The following C12orf56 variants were observed in gnomAD, a reference collection of about 807,000 sequenced individuals.
C12orf56 encodes the protein chromosome 12 open reading frame 56, also known as uncharacterized protein C12orf56.
C12orf56 carries 71 observed loss-of-function variants against 69.9 expected under a neutral mutation model. The observed-to-expected ratio is 1.02, with a 90% CI of 0.84 to 1.24. The LOEUF is 1.24. Among genes scored for constraint, C12orf56 ranks in the 50% most tolerant of loss-of-function variants. The pLI, the probability that C12orf56 is intolerant of heterozygous loss-of-function variation, is 0.00. For synonymous variants in C12orf56, 276 were observed against 274.1 expected (o/e 1.01, Z -0.07); for missense variants, 732 against 738.5 (o/e 0.99, Z 0.10).
chr12:64,363,662 G>A (rs184066475), intron 1 of C12orf56, among the ~76,000 whole-genome samples: 32 of 152,252 alleles, frequency 2.1e-4, no homozygotes, highest in Admixed American at 1.6e-3. Context: ...GAGTAGTCAC[G>A]TACAAATCTT....
intron 5 of C12orf56, among the ~76,000 whole-genome samples, chr12:64,306,808 A>G (rs2038519803): frequency 6.6e-6 from 1 of 152,180 alleles, no homozygotes; most frequent in South Asian, 2.1e-4. Context: ...AGCACTGTGT[A>G]TGATTTTCAC....
At chr12:64,354,377 T>G (rs1188826572) in intron 1 of C12orf56, among the ~76,000 whole-genome samples, 1 of 152,138 alleles carries the variant, frequency 6.6e-6, no homozygotes, top group African/African-American at 2.4e-5. Flanking sequence ...GAGTTGAGGC[T>G]GTAGTGTGCC....
At position 64,284,674 on chromosome 12, in the gene C12orf56, C is replaced by T; in HGVS notation, c.1300G>A (p.Ala434Thr). ...ETESSRLNTLAAKKGALFNLL... is the reference protein window; with the variant it reads ...ETESSRLNTLTAKKGALFNLL... ...TCTAAAAGACCTTACTTCTTAGCTG[C>T]CAATGTGTTCAGGCGTGATGACTCG... The change falls in exon 8 of 13, where the codon GCA becomes ACA. Residue 434 changes from alanine (A) to threonine (T), a missense_variant. Transcript: ENST00000543942. The T allele has an allele frequency of 6.2e-7, 1 of 1,609,142 alleles. No individual in the cohort carries two copies. Among genetic ancestry groups the T allele is most frequent in the Non-Finnish European group, 8.5e-7 (1 of 1,178,248 alleles).
Position 64,266,164 on chromosome 12 carries a change from C to T in C12orf56, c.*1019G>A, listed in dbSNP as rs1241622712. 6.6e-6 allele frequency: 1 copy of T among 152,226 alleles called. No homozygotes were observed. Among genetic ancestry groups the T allele is most frequent in the Non-Finnish European group, 1.5e-5 (1 of 68,046 alleles). 9.4% of individuals were successfully genotyped at this position (152,226 alleles called of 1,614,324 possible). ...TATTGCTCAGCATTTCCCAAATAAT[C>T]ACTCTGTAGCTTATACTCCCCACAA... is the stretch of plus-strand genomic sequence containing the variant. On this transcript the variant is annotated 3_prime_UTR_variant, in exon 13 of 13. Coordinates refer to ENST00000543942, the MANE Select transcript of C12orf56 (RefSeq NM_001170633.2).
Position 64,353,008 on chromosome 12 carries a change from G to T in C12orf56, c.301C>A (p.Gln101Lys), listed in dbSNP as rs757766449. 2.5e-6 allele frequency: 4 copies of T among 1,610,388 alleles called. No individual in the cohort carries two copies. In the East Asian group the frequency reaches 8.9e-5, roughly 36 times the overall value. ...FLSSPDREIS[Q>K]HIRIIYSSTV... ...GAAGAATAGATGATACGAATGTGTT[G>T]GCTGATTTCTCTATCTGGCGAACTC... The change falls in exon 2 of 13, where the codon CAA becomes AAA. Residue 101 changes from glutamine (Q) to lysine (K), a missense_variant. By Grantham distance (53) the Gln-to-Lys change is moderately conservative. Transcript: ENST00000543942.
chr12:64,279,130 G>A (rs997169135), intron 8 of C12orf56, among the ~76,000 whole-genome samples: 2 of 151,986 alleles, frequency 1.3e-5, no homozygotes, highest in African/African-American at 4.8e-5. Context: ...TTGTTGCCCA[G>A]GCTGGACTTG....
In C12orf56 at chr12:64,352,910, T is replaced by C; in HGVS notation, c.399A>G (p.Lys133=). 1 of 1,611,032 alleles carries C rather than the reference T, an allele frequency of 6.2e-7. No individual in the cohort carries two copies. The highest frequency in any genetic ancestry group is 2.2e-5 in the East Asian group (1 of 44,778). Residue 133 remains lysine, a synonymous_variant, in exon 2 of 13, where the codon AAA becomes AAG. Coordinates refer to ENST00000543942, the MANE Select transcript of C12orf56 (RefSeq NM_001170633.2). ...AGTACCTACCTTTCTTGTTGTTAGCTTTAGTATGATGAAATGGAAATAGGA... is the reference window on the plus strand; with the variant it reads ...AGTACCTACCTTTCTTGTTGTTAGCCTTAGTATGATGAAATGGAAATAGGA... ...RKFLFPFHHT[K]ANNKKVKEEK...
chr12:64,293,729 A>G (rs1431787615), intron 6 of C12orf56, among the ~76,000 whole-genome samples: 1 of 152,212 alleles, frequency 6.6e-6, no homozygotes, highest in African/African-American at 2.4e-5. Flanking sequence ...AAGAATCTCA[A>G]AAATATTATG....
In C12orf56 at chr12:64,312,743, G is replaced by A. The variant is rs1243598662; in HGVS notation, c.904C>T (p.Leu302Phe). 2 of 1,535,564 alleles carry A rather than the reference G, an allele frequency of 1.3e-6. No individual in the cohort carries two copies. Among genetic ancestry groups the A allele is most frequent in the South Asian group, 2.4e-5 (2 of 83,960 alleles). The change falls in exon 5 of 13, where the codon CTT becomes TTT. Residue 302 changes from leucine to phenylalanine, a missense_variant. Physicochemically the swap from Leu to Phe is conservative, Grantham distance 22. Transcript: ENST00000543942. Reference protein sequence around the residue: ...SWNNYIIKATLLQDPFYASEF... With the variant: ...SWNNYIIKATFLQDPFYASEF... ...CTAGCATAGAAGGGATCTTGTAAAAGAGTAGCTTTCTGAAAAAGGAAAAAG... is the reference window on the plus strand; with the variant it reads ...CTAGCATAGAAGGGATCTTGTAAAAAAGTAGCTTTCTGAAAAAGGAAAAAG...
At chr12:64,361,442 T>G (rs1366564947) in intron 1 of C12orf56, among the ~76,000 whole-genome samples, 1 of 152,016 alleles carries the variant, frequency 6.6e-6, no homozygotes, top group Non-Finnish European at 1.5e-5. Context: ...ATACAGGTCA[T>G]AAAGACCTTG....
chr12:64,320,775 C>T (rs374953283), intron 3 of C12orf56, among the ~76,000 whole-genome samples: 6 of 152,264 alleles, frequency 3.9e-5, no homozygotes, highest in South Asian at 4.1e-4. Flanking sequence ...CCCAGCAGAA[C>T]GGACCAAAAC....
At position 64,318,699 on chromosome 12, in the gene C12orf56, A is replaced by G. The variant is rs2038723330; in HGVS notation, c.770T>C (p.Leu257Ser). ...GNEFYLGNSLLDSPSQSNSNL... is the reference protein window; with the variant it reads ...GNEFYLGNSLSDSPSQSNSNL... ...TGAGTTGCTCTGTGAAGGGGAATCT[A>G]AGAGGGAATTTCCTAAGTAAAACTC... Residue 257 changes from leucine (L) to serine (S), a missense_variant, in exon 4 of 13, where the codon TTA becomes TCA. By Grantham distance (145) the Leu-to-Ser change is moderately radical. Coordinates refer to ENST00000543942, the MANE Select transcript of C12orf56 (RefSeq NM_001170633.2). 2.0e-6 allele frequency: 3 copies of G among 1,537,070 alleles called. No homozygotes were observed. Among genetic ancestry groups the G allele is most frequent in the South Asian group, 2.4e-5 (2 of 84,066 alleles).
intron 2 of C12orf56, among the ~76,000 whole-genome samples, chr12:64,335,932 G>T (rs561848544): frequency 7.9e-5 from 12 of 152,070 alleles, no homozygotes; most frequent in Admixed American, 5.9e-4. Flanking sequence ...CTTTATTTAA[G>T]TGCTCAGCAG....
At chr12:64,306,197 G>T (rs2038510022) in intron 5 of C12orf56, among the ~76,000 whole-genome samples, 1 of 152,050 alleles carries the variant, frequency 6.6e-6, no homozygotes, top group Non-Finnish European at 1.5e-5. Context: ...TATTACTGCA[G>T]AAAAGTTATG....
intron 2 of C12orf56, among the ~76,000 whole-genome samples, chr12:64,337,729 T>C (rs1045065381): frequency 5.3e-5 from 8 of 151,986 alleles, no homozygotes; most frequent in African/African-American, 1.9e-4. Context: ...TGGTAGTGCA[T>C]GCCTGTAATC....
At chr12:64,298,390 T>A (rs2038397913) in intron 6 of C12orf56, among the ~76,000 whole-genome samples, 2 of 152,254 alleles carry the variant, frequency 1.3e-5, no homozygotes, top group African/African-American at 4.8e-5. Context: ...TTTAATTAGA[T>A]CCCATTTGTC....
intron 5 of C12orf56, among the ~76,000 whole-genome samples, chr12:64,308,944 AAAGAAAGAAAG>A (rs2038565029): frequency 1.9e-4 from 9 of 46,712 alleles, no homozygotes; most frequent in Admixed American, 1.2e-3. Flanking sequence ...AAGAAAGAAG[AAAGAAAGAAAG>A]AAAGAAAGAA....
At chr12:64,318,261 C>T (rs560207440) in intron 4 of C12orf56, among the ~76,000 whole-genome samples, 2 of 152,198 alleles carry the variant, frequency 1.3e-5, no homozygotes, top group South Asian at 2.1e-4. Flanking sequence ...AAGGGTTTCA[C>T]CATCTTGGCC....
rs986107340 is a variant in C12orf56 at position 64,371,197 on chromosome 12, T to C, written c.253-18141A>G. 2.0e-5 allele frequency among the ~76,000 whole-genome samples: 3 copies of C among 150,164 alleles called. No homozygotes were observed. The East Asian group carries it at 5.9e-4, about 30-fold the overall frequency. On this transcript the variant is annotated intron_variant, in intron 1 of 12. Coordinates refer to ENST00000543942, the MANE Select transcript of C12orf56 (RefSeq NM_001170633.2). ...CTGGTGGATCATCTGAGGTCAGGAG[T>C]TTGAGACCAGCCTGGCTAACACGGC...
Sources: gnomAD v4.1 joint callset for allele counts (sites outside exome capture counted in the v4.1 genomes callset) on GRCh38, gnomAD v4.1.1 for gene constraint, MANE v1.5 for transcripts, NCBI Gene and HGNC (gene_info 2026-07-23, HGNC 2026-07-21) for gene names.